Variants in CHSY3 observed in about 807,000 individuals in gnomAD.
CHSY3 encodes chondroitin sulfate synthase 3.
Under a neutral mutation model 67.2 loss-of-function variants are expected in CHSY3, and 35 were observed. That is an observed-to-expected ratio of 0.52 (90% CI 0.40 to 0.69). The LOEUF (loss-of-function observed/expected upper bound fraction) is 0.69. Among genes scored for constraint, CHSY3 ranks in the 30% least tolerant of loss-of-function variants. CHSY3 has a pLI of 0.00. For missense variants in CHSY3, 1,069 were observed against 1,138.5 expected, an observed-to-expected ratio of 0.94 and a Z score of 0.88; for synonymous variants, 474 against 434.7, an observed-to-expected ratio of 1.09 and a Z score of -1.12.
At chr5:130,115,396 A>G (rs1281853904) in intron 2 of CHSY3, among the ~76,000 whole-genome samples, 1 of 152,126 alleles carries the variant, frequency 6.6e-6, no homozygotes, top group Non-Finnish European at 1.5e-5. Flanking sequence ...CACAATTTCC[A>G]TATAGTGTTT....
At chr5:130,047,710 T>A (rs1765197251) in intron 2 of CHSY3, among the ~76,000 whole-genome samples, 1 of 152,042 alleles carries the variant, frequency 6.6e-6, no homozygotes, top group Non-Finnish European at 1.5e-5. Context: ...AAGAATAATA[T>A]CTAATTCCAT....
chr5:129,999,053 A>T (rs960329484), intron 2 of CHSY3, among the ~76,000 whole-genome samples: 4 of 151,658 alleles, frequency 2.6e-5, no homozygotes, highest in African/African-American at 4.8e-5. Flanking sequence ...GTTTTTAAAA[A>T]TGTTTAAAAC....
chr5:130,127,677 C>T (rs1768338643), intron 2 of CHSY3, among the ~76,000 whole-genome samples: 1 of 152,156 alleles, frequency 6.6e-6, no homozygotes, highest in African/African-American at 2.4e-5. Context: ...AATAAGAACT[C>T]AAACTTAGGT....
intron 2 of CHSY3, among the ~76,000 whole-genome samples, chr5:130,024,661 A>G (rs1324518790): frequency 6.6e-6 from 1 of 152,158 alleles, no homozygotes; most frequent in Non-Finnish European, 1.5e-5. Flanking sequence ...CTGCGTGCTT[A>G]GAGAAGTGGT....
In CHSY3 at chr5:130,084,353, G is replaced by A. The variant is rs147718316; in HGVS notation, c.1087-99876G>A. On this transcript the variant is annotated intron_variant, in intron 2 of 2. Coordinates refer to ENST00000305031, the MANE Select transcript of CHSY3 (RefSeq NM_175856.5). ...CAAAGAAATCATAAATATTTAAGGT[G>A]AAAGAAATGCAATTAGCTTGATTTG... is the stretch of plus-strand genomic sequence containing the variant. Among the ~76,000 whole-genome samples the A allele has an allele frequency of 3.3e-5, 5 of 152,034 alleles. No individual in the cohort carries two copies. In the East Asian group the frequency reaches 9.7e-4, roughly 30 times the overall value.
At chr5:130,165,854 T>G (rs1197586696) in intron 2 of CHSY3, among the ~76,000 whole-genome samples, 3 of 152,140 alleles carry the variant, frequency 2.0e-5, no homozygotes, top group Non-Finnish European at 4.4e-5. Flanking sequence ...TCATTTGCCT[T>G]TTTGTGAAAT....
intron 2 of CHSY3, among the ~76,000 whole-genome samples, chr5:129,923,627 ATGTC>A (rs1760996702): frequency 6.6e-6 from 1 of 152,192 alleles, no homozygotes; most frequent in Non-Finnish European, 1.5e-5. Flanking sequence ...AGCTATGCAG[ATGTC>A]TGAGGGAGAA....
intron 2 of CHSY3, among the ~76,000 whole-genome samples, chr5:129,960,053 A>G (rs970670653): frequency 1.3e-5 from 2 of 152,118 alleles, no homozygotes; most frequent in African/African-American, 2.4e-5. Context: ...TAATGAAGTT[A>G]GAAGGCTTTT....
intron 2 of CHSY3, among the ~76,000 whole-genome samples, chr5:129,930,371 A>G (rs915450272): frequency 2.6e-5 from 4 of 151,736 alleles, no homozygotes; most frequent in Non-Finnish European, 4.4e-5. Context: ...TTCTAAGCAC[A>G]TAACCATTTT....
intron 2 of CHSY3, among the ~76,000 whole-genome samples, chr5:130,030,239 A>G (rs1376447726): frequency 6.6e-6 from 1 of 152,118 alleles, no homozygotes; most frequent in Non-Finnish European, 1.5e-5. Flanking sequence ...TTTAAGTGTC[A>G]TAGTTTTCTG....
chr5:129,931,811 G>T lies in CHSY3; in HGVS notation c.1086+23451G>T, dbSNP rs1256613641. On this transcript the variant is annotated intron_variant, in intron 2 of 2. Coordinates refer to ENST00000305031, the MANE Select transcript of CHSY3 (RefSeq NM_175856.5). Reference sequence around the variant, plus strand: ...TCCTGGCATGGATTTTGTCTTTTCTGCATGGATGAAAGTCCTCCCCATGGA... The same window carrying T: ...TCCTGGCATGGATTTTGTCTTTTCTTCATGGATGAAAGTCCTCCCCATGGA... 2.0e-5 allele frequency among the ~76,000 whole-genome samples: 3 copies of T among 151,970 alleles called. No individual in the cohort carries two copies. The East Asian group carries it at 5.8e-4, about 29-fold the overall frequency.
At chr5:130,009,475 C>T (rs1019042867) in intron 2 of CHSY3, among the ~76,000 whole-genome samples, 6 of 149,062 alleles carry the variant, frequency 4.0e-5, no homozygotes, top group African/African-American at 1.5e-4. Context: ...GAGTGCTAGA[C>T]ATGAAATCAA....
At chr5:130,083,851 T>G (rs998234565) in intron 2 of CHSY3, among the ~76,000 whole-genome samples, 2 of 151,982 alleles carry the variant, frequency 1.3e-5, no homozygotes, top group Admixed American at 1.3e-4. Flanking sequence ...AGTATACATT[T>G]TTTTTTTGGA....
At chr5:130,096,538 G>C (rs1398518772) in intron 2 of CHSY3, among the ~76,000 whole-genome samples, 2 of 152,198 alleles carry the variant, frequency 1.3e-5, no homozygotes, top group Non-Finnish European at 2.9e-5. Context: ...CATGTTAACA[G>C]AGGGGAAGCT....
At chr5:130,107,800 GCTCTATC>G (rs1442125768) in intron 2 of CHSY3, among the ~76,000 whole-genome samples, 3 of 151,554 alleles carry the variant, frequency 2.0e-5, no homozygotes. Flanking sequence ...TGCAAAGCAA[GCTCTATC>G]CTCTCCACCC....
chr5:129,954,856 T>C lies in CHSY3; in HGVS notation c.1086+46496T>C, dbSNP rs114480260. 9.4e-3 allele frequency among the ~76,000 whole-genome samples: 1,430 copies of C among 152,220 alleles called. 24 individuals carry two copies. The highest frequency in any genetic ancestry group is 0.033 in the African/African-American group (1,367 of 41,554). ...ATCATGAGACTTTGCTGAAGTTGCC[T>C]GTATCTTCTTAAATATATATATATT... On this transcript the variant is annotated intron_variant, in intron 2 of 2. Transcript: ENST00000305031.
intron 2 of CHSY3, among the ~76,000 whole-genome samples, chr5:130,156,646 G>A (rs539854869): frequency 2.6e-5 from 4 of 152,188 alleles, no homozygotes; most frequent in Non-Finnish European, 5.9e-5. Context: ...AGTGCTCAAA[G>A]AGGGCTTAAT....
At chr5:130,145,353 G>C (rs187724123) in intron 2 of CHSY3, among the ~76,000 whole-genome samples, 4 of 152,278 alleles carry the variant, frequency 2.6e-5, no homozygotes, top group Non-Finnish European at 5.9e-5. Flanking sequence ...GGAAGAGATA[G>C]TATCTTCAAT....
At chr5:130,042,685 C>T (rs1012878734) in intron 2 of CHSY3, among the ~76,000 whole-genome samples, 2 of 152,046 alleles carry the variant, frequency 1.3e-5, no homozygotes, top group Non-Finnish European at 2.9e-5. Flanking sequence ...TATAGAAATA[C>T]ATAACAATTA....
Sources: gnomAD v4.1 joint callset for allele counts (sites outside exome capture counted in the v4.1 genomes callset) on GRCh38, gnomAD v4.1.1 for gene constraint, MANE v1.5 for transcripts, NCBI Gene and HGNC (gene_info 2026-07-23, HGNC 2026-07-21) for gene names.